Variants in ZNF23 observed in about 807,000 individuals in gnomAD.
The protein encoded by ZNF23 is zinc finger protein 23.
In ZNF23, 48 loss-of-function variants were observed where a neutral mutation model predicts 56.2. The ratio of observed to expected loss-of-function variants is 0.85; its 90% confidence interval spans 0.68 to 1.09. The LOEUF (loss-of-function observed/expected upper bound fraction) is 1.09, where lower values mean the gene tolerates loss of function less well. ZNF23 is among the 50% of genes least tolerant of loss of function. The pLI is 0.00. For missense variants in ZNF23, 805 were observed against 811.4 expected (o/e 0.99, Z 0.10); for synonymous variants, 266 against 283.3 (o/e 0.94, Z 0.61).
At chr16:71,455,340 G>C (rs996223287) in intron 2 of ZNF23, among the ~76,000 whole-genome samples, 11 of 151,860 alleles carry the variant, frequency 7.2e-5, no homozygotes, top group African/African-American at 2.7e-4. Flanking sequence ...CAAATCCTTT[G>C]AGTCTCTATG....
chr16:71,448,937 G>A lies in ZNF23; in HGVS notation c.1217C>T (p.Pro406Leu), dbSNP rs1239463554. The A allele has an allele frequency of 6.2e-7, 1 of 1,614,098 alleles. No homozygotes were observed. Among genetic ancestry groups the A allele is most frequent in the African/African-American group, 1.3e-5 (1 of 74,932 alleles). The change falls in exon 5 of 5, where the codon CCC (proline) becomes CTC (leucine). Residue 406 changes from proline to leucine, a missense_variant. Physicochemically the swap from Pro to Leu is moderately conservative, Grantham distance 98 (BLOSUM62 -3). Transcript: ENST00000647773. ...QHQSIHTGEK[P>L]YQCKECGKGF... ...TTTTCCACACTCTTTACACTGATAGGGCTTTTCTCCTGTGTGGATGCTCTG... is the reference window on the plus strand; with the variant it reads ...TTTTCCACACTCTTTACACTGATAGAGCTTTTCTCCTGTGTGGATGCTCTG...
Position 71,449,227 on chromosome 16 carries a change from G to C in ZNF23, c.927C>G (p.Ser309Arg). The change falls in exon 5 of 5, where the codon AGC becomes AGG. Residue 309 changes from serine to arginine, a missense_variant. Transcript: ENST00000647773. Reference protein sequence around the residue: ...MCGKAFSVNGSLSRHQRIHTG... With the variant: ...MCGKAFSVNGRLSRHQRIHTG... ...TATGGATTCTCTGATGCCTACTTAGGCTTCCATTAACACTGAAGGCCTTCC... is the reference window on the plus strand; with the variant it reads ...TATGGATTCTCTGATGCCTACTTAGCCTTCCATTAACACTGAAGGCCTTCC... 1 of 1,613,480 alleles carries C rather than the reference G, an allele frequency of 6.2e-7. No individual in the cohort carries two copies. The highest frequency in any genetic ancestry group is 8.5e-7 in the Non-Finnish European group (1 of 1,179,798).
rs1029302147 is a variant in ZNF23, at chr16:71,453,012, T to C, written c.268+231A>G. On this transcript the variant is annotated intron_variant, in intron 4 of 4. Coordinates refer to ENST00000647773, the MANE Select transcript of ZNF23 (RefSeq NM_001381984.1). ...GAAAGGCAGGATTCCAAAATTAGCATTGAAGAGTCAGAATGAAGGGTTTGA... is the reference window on the plus strand; with the variant it reads ...GAAAGGCAGGATTCCAAAATTAGCACTGAAGAGTCAGAATGAAGGGTTTGA... Among the ~76,000 whole-genome samples, 7 of 152,210 alleles carry C rather than the reference T, an allele frequency of 4.6e-5. No homozygotes were observed. In the East Asian group the frequency reaches 5.8e-4, roughly 13 times the overall value.
At chr16:71,459,962 G>A (rs2043380997) in intron 1 of ZNF23, among the ~76,000 whole-genome samples, 1 of 152,186 alleles carries the variant, frequency 6.6e-6, no homozygotes, top group Non-Finnish European at 1.5e-5. Flanking sequence ...TACATATGTA[G>A]TGTGATAGCT....
At chr16:71,457,379 AC>A (rs1233560194) in intron 1 of ZNF23, among the ~76,000 whole-genome samples, 1 of 152,194 alleles carries the variant, frequency 6.6e-6, no homozygotes, top group Non-Finnish European at 1.5e-5. Context: ...CCTGGCTAAC[AC>A]GGTGAAACCC....
Position 71,448,953 on chromosome 16 carries a change from G to A in ZNF23, c.1201C>T (p.His401Tyr), listed in dbSNP as rs1237389344. 1 of 1,614,168 alleles carries A rather than the reference G, an allele frequency of 6.2e-7. No individual in the cohort carries two copies. The highest frequency in any genetic ancestry group is 1.1e-5 in the South Asian group (1 of 91,080). ...SSQLRQHQSI[H>Y]TGEKPYQCKE... ...CACTGATAGGGCTTTTCTCCTGTGT[G>A]GATGCTCTGATGCTGCCTAAGCTGG... The change falls in exon 5 of 5, where the codon CAC (histidine) becomes TAC (tyrosine). Residue 401 changes from histidine to tyrosine, a missense_variant. Coordinates refer to ENST00000647773, the MANE Select transcript of ZNF23 (RefSeq NM_001381984.1).
chr16:71,448,962 G>A lies in ZNF23; in HGVS notation c.1192C>T (p.Gln398Ter). The change falls in exon 5 of 5, where the codon CAG (glutamine) becomes TAG (stop). Residue 398 changes from glutamine (Q) to a stop codon, truncating the protein, a stop_gained. Transcript: ENST00000647773. LOFTEE classifies it high-confidence loss of function. ...FRCSSQLRQH[Q>*]SIHTGEKPYQ... ...GGCTTTTCTCCTGTGTGGATGCTCT[G>A]ATGCTGCCTAAGCTGGGAGCTGCAC... 6.2e-7 allele frequency: 1 copy of A among 1,614,194 alleles called. No homozygotes were observed. Among genetic ancestry groups the A allele is most frequent in the Non-Finnish European group, 8.5e-7 (1 of 1,180,032 alleles).
At chr16:71,461,722 G>C (rs893856190) in intron 1 of ZNF23, 1 of 152,170 alleles carries the variant, frequency 6.6e-6, no homozygotes, top group African/African-American at 2.4e-5. Flanking sequence ...TTCTGCTGCC[G>C]GGTGACTGGG....
chr16:71,456,667 G>A (rs980815673), intron 2 of ZNF23, 97 bp downstream of exon 2: 2 of 981,252 alleles, frequency 2.0e-6, no homozygotes, highest in Non-Finnish European at 2.4e-6. Context: ...TCCAGCAGGT[G>A]GAAGCAGCTG....
intron 4 of ZNF23, chr16:71,451,864 G>T (rs373060792): frequency 2.0e-5 from 3 of 152,194 alleles, no homozygotes; most frequent in African/African-American, 7.2e-5. Context: ...AATATCTCTC[G>T]TTTTCACTTT....
chr16:71,449,117 G>T lies in ZNF23; in HGVS notation c.1037C>A (p.Thr346Asn). 6.2e-7 allele frequency: 1 copy of T among 1,614,196 alleles called. No individual in the cohort carries two copies. Among genetic ancestry groups the T allele is most frequent in the Non-Finnish European group, 8.5e-7 (1 of 1,180,034 alleles). Residue 346 changes from threonine to asparagine, a missense_variant, in exon 5 of 5, where the codon ACT becomes AAT. Thr to Asn is a moderately conservative substitution (Grantham distance 65). Coordinates refer to ENST00000647773, the MANE Select transcript of ZNF23 (RefSeq NM_001381984.1). Reference sequence around the variant, plus strand: ...ATTACACTCGTAAGGTTTCTCTCCAGTGTGGACTCTCTGATGTGTAATATA... The same window carrying T: ...ATTACACTCGTAAGGTTTCTCTCCATTGTGGACTCTCTGATGTGTAATATA... ...SAYITHQRVHTGEKPYECNDC... is the reference protein window; with the variant it reads ...SAYITHQRVHNGEKPYECNDC...
rs2042969091 is a variant in ZNF23 at position 71,449,408 on chromosome 16, C to G, written c.746G>C (p.Ser249Thr). 5 of 1,614,240 alleles carry G rather than the reference C, an allele frequency of 3.1e-6. No individual in the cohort carries two copies. Among genetic ancestry groups the G allele is most frequent in the Non-Finnish European group, 4.2e-6 (5 of 1,180,048 alleles). The change falls in exon 5 of 5, where the codon AGC becomes ACC. Residue 249 changes from serine (S) to threonine (T), a missense_variant. By Grantham distance (58) the Ser-to-Thr change is moderately conservative (BLOSUM62 1). Coordinates refer to ENST00000647773, the MANE Select transcript of ZNF23 (RefSeq NM_001381984.1). The part of the protein sequence containing the change: ...YQCSECGKAF[S>T]INEKLIWHQR... The stretch of plus-strand genomic sequence containing the variant: ...ATGCCAAATTAATTTCTCATTAATG[C>G]TGAAAGCTTTGCCACACTCCGAACA...
chr16:71,456,156 A>C, intron 2 of ZNF23: 1 of 434,882 alleles, frequency 2.3e-6, no homozygotes, highest in Non-Finnish European at 4.6e-6. Flanking sequence ...TTGCAGGTTT[A>C]TGTTCTGCAG....
chr16:71,450,013 G>A, intron 4 of ZNF23, 128 bp from the exon 5 acceptor site: 1 of 675,058 alleles, frequency 1.5e-6, no homozygotes, highest in African/African-American at 1.8e-5. Context: ...AAAAAACATA[G>A]GGTTTCTCCA....
chr16:71,458,032 C>T (rs1405515466), intron 1 of ZNF23, among the ~76,000 whole-genome samples: 1 of 152,146 alleles, frequency 6.6e-6, no homozygotes, highest in Non-Finnish European at 1.5e-5. Flanking sequence ...ATCCTAACAC[C>T]TCTGGAGAGG....
chr16:71,449,133 G>T lies in ZNF23; in HGVS notation c.1021C>A (p.His341Asn). The change falls in exon 5 of 5, where the codon CAT (histidine) becomes AAT (asparagine). Residue 341 changes from histidine (H) to asparagine (N), a missense_variant. By Grantham distance (68) the His-to-Asn change is moderately conservative. Coordinates refer to ENST00000647773, the MANE Select transcript of ZNF23 (RefSeq NM_001381984.1). ...GFSCSSAYIT[H>N]QRVHTGEKPY... ...TTCTCTCCAGTGTGGACTCTCTGAT[G>T]TGTAATATATGCAGAACTACAGCTG... The T allele has an allele frequency of 6.2e-7, 1 of 1,614,188 alleles. No homozygotes were observed. The highest frequency in any genetic ancestry group is 8.5e-7 in the Non-Finnish European group (1 of 1,180,032).
In ZNF23 at chr16:71,453,365, G is replaced by T. The variant is rs2043119895; in HGVS notation, c.161-15C>A. ...AAGTGGAAATCCTGGTTTGGGAGAG[G>T]TAAATAGGAGAGACAGATGAATAAA... On this transcript the variant is annotated splice_polypyrimidine_tract_variant and intron_variant, in intron 3 of 4. Coordinates refer to ENST00000647773, the MANE Select transcript of ZNF23 (RefSeq NM_001381984.1). 1.3e-6 allele frequency: 2 copies of T among 1,548,476 alleles called. No individual in the cohort carries two copies. The highest frequency in any genetic ancestry group is 3.7e-5 in the Admixed American group (2 of 54,148).
Position 71,453,308 on chromosome 16 carries a change from C to A in ZNF23, c.203G>T (p.Gly68Val). The A allele has an allele frequency of 6.2e-7, 1 of 1,606,382 alleles. No homozygotes were observed. ...AGATGAGCCCCCCAGCTCACTTCCT[C>A]CCTCCAGTTGTGAGATCACAGCAGG... is the stretch of plus-strand genomic sequence containing the variant. Reference protein sequence around the residue: ...LKPAVISQLEGGSELGGSSPL... With the variant: ...LKPAVISQLEVGSELGGSSPL... Residue 68 changes from glycine (G) to valine (V), a missense_variant, in exon 4 of 5, where the codon GGA (glycine) becomes GTA (valine). Coordinates refer to ENST00000647773, the MANE Select transcript of ZNF23 (RefSeq NM_001381984.1).
At chr16:71,451,737 T>A (rs147052891) in intron 4 of ZNF23, 72 of 152,334 alleles carry the variant, frequency 4.7e-4, no homozygotes, top group African/African-American at 1.7e-3. Flanking sequence ...TAGCCCAAAC[T>A]GACTAAGACA....
Sources: gnomAD v4.1 joint callset for allele counts (sites outside exome capture counted in the v4.1 genomes callset) on GRCh38, gnomAD v4.1.1 for gene constraint, MANE v1.5 for transcripts, NCBI Gene and HGNC (gene_info 2026-07-23, HGNC 2026-07-21) for gene names.